Variants in CCDC83 observed in about 807,000 individuals in gnomAD.
CCDC83 encodes coiled-coil domain-containing protein 83.
A neutral mutation model predicts 50.1 loss-of-function variants in CCDC83; 54 were observed. The ratio of observed to expected loss-of-function variants is 1.08; its 90% CI spans 0.87 to 1.35. The LOEUF is 1.35. CCDC83 is among the 40% of genes most tolerant of loss of function. The pLI, the probability that CCDC83 is intolerant of heterozygous loss-of-function variation, is 0.00. For synonymous variants in CCDC83, 161 were observed against 153.3 expected (o/e 1.05, Z -0.37); for missense variants, 518 against 473.9 (o/e 1.09, Z -0.86).
At chr11:85,911,453 G>A (rs1210836674) in intron 8 of CCDC83, 51 bp downstream of exon 8, 2 of 1,446,812 alleles carry the variant, frequency 1.4e-6, no homozygotes, top group South Asian at 3.0e-5. Context: ...TGTATCTGCT[G>A]TAAAAAGTTG....
intron 7 of CCDC83, among the ~76,000 whole-genome samples, chr11:85,907,111 A>G (rs1592190482): frequency 6.6e-6 from 1 of 152,328 alleles, no homozygotes; most frequent in Non-Finnish European, 1.5e-5. Flanking sequence ...AAAGTTTAGA[A>G]TGAGTAACAA....
Position 85,873,243 on chromosome 11 carries a change from T to C in CCDC83, c.128T>C (p.Phe43Ser). The change falls in exon 3 of 11, where the codon TTC (phenylalanine) becomes TCC (serine). Residue 43 changes from phenylalanine to serine, a missense_variant. Physicochemically the swap from Phe to Ser is radical, Grantham distance 155. Coordinates refer to ENST00000342404, the MANE Select transcript of CCDC83 (RefSeq NM_001286159.2). ...ATAAAGGAAGATGCCGTGGAGCAAT[T>C]CATGTTTCAAATAAAGACACTTAGG... Reference protein sequence around the residue: ...CQIKEDAVEQFMFQIKTLRKK... With the variant: ...CQIKEDAVEQSMFQIKTLRKK... 6.4e-7 allele frequency: 1 copy of C among 1,564,732 alleles called. No individual in the cohort carries two copies. The highest frequency in any genetic ancestry group is 8.7e-7 in the Non-Finnish European group (1 of 1,152,930).
intron 8 of CCDC83, among the ~76,000 whole-genome samples, chr11:85,911,690 G>A (rs114865543): frequency 1.3e-5 from 2 of 152,148 alleles, no homozygotes; most frequent in Non-Finnish European, 2.9e-5. Flanking sequence ...CAGACCAGCA[G>A]GGGTAATGGT....
In CCDC83 at chr11:85,886,261, A is replaced by G. The variant is rs755352865; in HGVS notation, c.405A>G (p.Glu135=). The G allele has an allele frequency of 6.2e-7, 1 of 1,606,264 alleles. No individual in the cohort carries two copies. ...TTCTTGAGAAACTCAGTGAAAAGGA[A>G]TATTGGGAGGAGTACAAGAATGTAG... is the stretch of plus-strand genomic sequence containing the variant. The part of the protein sequence containing the change: ...KLFLEKLSEK[E]YWEEYKNVGS... The change falls in exon 5 of 11, where the codon GAA becomes GAG. Residue 135 remains glutamate, a synonymous_variant. Coordinates refer to ENST00000342404, the MANE Select transcript of CCDC83 (RefSeq NM_001286159.2).
intron 10 of CCDC83, among the ~76,000 whole-genome samples, chr11:85,917,532 C>G (rs917715681): frequency 2.6e-5 from 4 of 152,172 alleles, no homozygotes; most frequent in African/African-American, 9.7e-5. Context: ...TCATTAAAAC[C>G]TGGAGTATTA....
intron 5 of CCDC83, among the ~76,000 whole-genome samples, chr11:85,891,560 T>C (rs1162466812): frequency 1.3e-5 from 2 of 152,166 alleles, no homozygotes; most frequent in Non-Finnish European, 2.9e-5. Flanking sequence ...TTTTTGTCCT[T>C]TACTGGGGCA....
chr11:85,882,993 C>T (rs116974482), intron 4 of CCDC83, among the ~76,000 whole-genome samples: 2,255 of 152,298 alleles, frequency 0.015, 24 homozygotes, highest in Non-Finnish European at 0.024. Flanking sequence ...TCTCAGCTTA[C>T]TGCAATCTTA....
rs2093145355 is a variant in CCDC83 at position 85,857,012 on chromosome 11, GCC to G, written c.-29+1429_-29+1430del. On this transcript the variant is annotated intron_variant, in intron 1 of 10. Coordinates refer to ENST00000342404, the MANE Select transcript of CCDC83 (RefSeq NM_001286159.2). ...ACTACCTGGGAACCCCCTGCCCAGT[GCC>G]ATACCCCCAGTGCCTGTCCCCAGAT... Among the ~76,000 whole-genome samples, 3 of 152,174 alleles carry G rather than the reference GCC, an allele frequency of 2.0e-5. No homozygotes were observed. The South Asian group carries it at 6.2e-4, about 32-fold the overall frequency.
chr11:85,902,103 T>C (rs1218985621), intron 7 of CCDC83, among the ~76,000 whole-genome samples: 2 of 147,360 alleles, frequency 1.4e-5, no homozygotes, highest in East Asian at 2.0e-4. Context: ...AATTTCAGGG[T>C]TCTGAAAAGG....
At chr11:85,871,495 T>C (rs1260669657) in intron 2 of CCDC83, among the ~76,000 whole-genome samples, 2 of 152,190 alleles carry the variant, frequency 1.3e-5, no homozygotes, top group South Asian at 2.1e-4. Context: ...GCCTAGTTTT[T>C]CTCTCTAATG....
chr11:85,905,298 C>T (rs1302846450), intron 7 of CCDC83, among the ~76,000 whole-genome samples: 3 of 151,294 alleles, frequency 2.0e-5, no homozygotes, highest in Non-Finnish European at 2.9e-5. Context: ...CAAAATTAGC[C>T]GGGCGTGATG....
rs2093326686 is a variant in CCDC83 at position 85,886,316 on chromosome 11, T to G, written c.460T>G (p.Ser154Ala). The change falls in exon 5 of 11, where the codon TCC becomes GCC. Residue 154 changes from serine (S) to alanine (A), a missense_variant. Transcript: ENST00000342404. ...TGAACGACATGCTAAACTCATTACC[T>G]CCTTACAAAATGACATCAACACAGT... ...GSERHAKLIT[S>A]LQNDINTVKE... The G allele has an allele frequency of 6.2e-7, 1 of 1,609,454 alleles. No individual in the cohort carries two copies. The highest frequency in any genetic ancestry group is 1.3e-5 in the African/African-American group (1 of 74,788).
At chr11:85,886,849 C>T (rs2093329445) in intron 5 of CCDC83, among the ~76,000 whole-genome samples, 1 of 152,138 alleles carries the variant, frequency 6.6e-6, no homozygotes, top group Admixed American at 6.5e-5. Flanking sequence ...GTGGTCAAGG[C>T]TGCAGGGAGC....
intron 2 of CCDC83, among the ~76,000 whole-genome samples, chr11:85,867,766 G>A (rs751163866): frequency 6.6e-6 from 1 of 152,036 alleles, no homozygotes; most frequent in Non-Finnish European, 1.5e-5. Flanking sequence ...CTTTAACAAA[G>A]GTTTACAAAA....
At chr11:85,870,619 G>C (rs962241518) in intron 2 of CCDC83, among the ~76,000 whole-genome samples, 33 of 152,288 alleles carry the variant, frequency 2.2e-4, no homozygotes, top group African/African-American at 7.7e-4. Context: ...GCTGAGGCTG[G>C]AGGATTCCTT....
At chr11:85,903,325 C>G (rs776737429) in intron 7 of CCDC83, among the ~76,000 whole-genome samples, 1 of 152,072 alleles carries the variant, frequency 6.6e-6, no homozygotes, top group African/African-American at 2.4e-5. Context: ...GACAGAGTCT[C>G]ACTCTGTCAC....
intron 5 of CCDC83, among the ~76,000 whole-genome samples, chr11:85,888,883 A>G (rs140504547): frequency 6.6e-6 from 1 of 152,288 alleles, no homozygotes; most frequent in African/African-American, 2.4e-5. Context: ...TCTACTATCT[A>G]TTCTGATTCA....
At chr11:85,872,690 A>G (rs971788046) in intron 2 of CCDC83, among the ~76,000 whole-genome samples, 1 of 152,198 alleles carries the variant, frequency 6.6e-6, no homozygotes, top group Non-Finnish European at 1.5e-5. Flanking sequence ...ACAGACACTC[A>G]ACAAATACTT....
intron 5 of CCDC83, among the ~76,000 whole-genome samples, chr11:85,888,011 C>T (rs796739532): frequency 2.2e-4 from 34 of 152,130 alleles, no homozygotes; most frequent in African/African-American, 6.3e-4. Flanking sequence ...GTTTCCCAGG[C>T]TGGTAACCAT....
Sources: allele counts gnomAD v4.1 joint callset (sites outside exome capture counted in the v4.1 genomes callset), GRCh38; gene constraint gnomAD v4.1.1; transcripts MANE v1.5; gene names NCBI Gene and HGNC (gene_info 2026-07-23, HGNC 2026-07-21).